PARK7: variants seen among roughly 807,000 people sequenced by gnomAD.
PARK7 encodes Parkinson disease protein 7.
Under a neutral mutation model 20.5 loss-of-function variants are expected in PARK7, and 14 were observed. The ratio of observed to expected loss-of-function variants is 0.68; its 90% confidence interval spans 0.45 to 1.07. The LOEUF is 1.07. Among genes scored for constraint, PARK7 ranks in the 50% least tolerant of loss-of-function variants. The pLI is 0.00. For missense variants in PARK7, 234 were observed against 238.1 expected (o/e 0.98, Z 0.11); for synonymous variants, 98 against 84.3 (o/e 1.16, Z -0.89).
At position 7,962,815 on chromosome 1, in the gene PARK7, G is replaced by C; in HGVS notation, c.30G>C (p.Leu10=). 2.5e-6 allele frequency: 4 copies of C among 1,611,822 alleles called. No homozygotes were observed. Among genetic ancestry groups the C allele is most frequent in the Non-Finnish European group, 3.4e-6 (4 of 1,179,614 alleles). The change falls in exon 2 of 7, where the codon CTG becomes CTC. Residue 10 remains leucine, a synonymous_variant. Transcript: ENST00000338639. ...CTTCCAAAAGAGCTCTGGTCATCCT[G>C]GCTAAAGGAGCAGAGGAAATGGAGA... MASKRALVI[L]AKGAEEMETV...
chr1:7,963,809 G>A (rs1640265045), intron 2 of PARK7, among the ~76,000 whole-genome samples: 1 of 137,774 alleles, frequency 7.3e-6, no homozygotes, highest in Admixed American at 7.7e-5. Context: ...GTGTATCCAT[G>A]CATGTGTGTC....
intron 5 of PARK7, among the ~76,000 whole-genome samples, chr1:7,973,823 G>A (rs1163483589): frequency 2.6e-5 from 4 of 151,226 alleles, no homozygotes; most frequent in East Asian, 2.0e-4. Flanking sequence ...CAGGAGAATC[G>A]CTTGAACCCG....
rs1349900839 is a variant in PARK7 at position 7,977,622 on chromosome 1, G to A, written c.323-30G>A. On this transcript the variant is annotated intron_variant, in intron 5 of 6. Coordinates refer to ENST00000338639, the MANE Select transcript of PARK7 (RefSeq NM_007262.5). ...TTTAAACATGGGCTTTTCTATATCTGCACTTAGATCTTTTTATTTTTATTC... is the reference window on the plus strand; with the variant it reads ...TTTAAACATGGGCTTTTCTATATCTACACTTAGATCTTTTTATTTTTATTC... 2.5e-6 allele frequency: 4 copies of A among 1,584,610 alleles called. No homozygotes were observed. The Admixed American group carries it at 6.7e-5, about 26-fold the overall frequency.
chr1:7,963,066 C>T (rs1578089921), intron 2 of PARK7, among the ~76,000 whole-genome samples, 191 bp downstream of exon 2: 2 of 152,138 alleles, frequency 1.3e-5, no homozygotes, highest in African/African-American at 4.8e-5. Flanking sequence ...TGCCATATTT[C>T]CTTCAGACCC....
At chr1:7,970,756 G>A (rs953550566) in intron 4 of PARK7, 138 bp from the exon 5 acceptor site, 2 of 808,718 alleles carry the variant, frequency 2.5e-6, no homozygotes, top group Non-Finnish European at 4.2e-6. Context: ...TTATACCAAT[G>A]ATTTAGAAAT....
At chr1:7,966,228 T>G (rs1161709017) in intron 3 of PARK7, among the ~76,000 whole-genome samples, 1 of 152,088 alleles carries the variant, frequency 6.6e-6, no homozygotes, top group African/African-American at 2.4e-5. Flanking sequence ...GATGGCTGGT[T>G]GCACACTGCT....
At position 7,984,371 on chromosome 1, in the gene PARK7, C is replaced by T. The variant is rs539153639; in HGVS notation, c.410-523C>T. On this transcript the variant is annotated intron_variant, in intron 6 of 6. Coordinates refer to ENST00000338639, the MANE Select transcript of PARK7 (RefSeq NM_007262.5). The surrounding 1 kb of genome is among the most constrained non-coding windows in gnomAD (Gnocchi z 4.3). ...CGGCGGGCCTGGAGGTGCGGGGATGCGGAAGGAAAGTAGTCCTTGAGAGGG... is the reference window on the plus strand; with the variant it reads ...CGGCGGGCCTGGAGGTGCGGGGATGTGGAAGGAAAGTAGTCCTTGAGAGGG... 6.6e-6 allele frequency among the ~76,000 whole-genome samples: 1 copy of T among 152,210 alleles called. No homozygotes were observed. The highest frequency in any genetic ancestry group is 3.4e-3 in the Middle Eastern group (1 of 294).
intron 4 of PARK7, 101 bp from the exon 5 acceptor site, chr1:7,970,793 T>G: frequency 1.9e-6 from 2 of 1,075,264 alleles, no homozygotes; most frequent in Non-Finnish European, 2.8e-6. Context: ...TCAGAGAGCT[T>G]GTGGTTTAAA....
chr1:7,965,209 T>G, intron 2 of PARK7, 115 bp from the exon 3 acceptor site: 1 of 916,724 alleles, frequency 1.1e-6, no homozygotes, highest in East Asian at 2.6e-5. Context: ...GTCACTGCCC[T>G]CTAGCCCAGG....
chr1:7,982,571 AGTTTAAGCCCTGTTTGCGAT>A (rs1419682901), intron 6 of PARK7, among the ~76,000 whole-genome samples: 2 of 151,722 alleles, frequency 1.3e-5, no homozygotes, highest in Non-Finnish European at 2.9e-5. Context: ...ATATTTAACC[AGTTTAAGCCCTGTTTGCGAT>A]GTTTTAGCCA....
At chr1:7,983,510 T>C (rs1578106278) in intron 6 of PARK7, among the ~76,000 whole-genome samples, 1 of 152,252 alleles carries the variant, frequency 6.6e-6, no homozygotes, top group Non-Finnish European at 1.5e-5. Flanking sequence ...CACCAGCTTC[T>C]ACCCAGAGAG....
chr1:7,974,496 G>T (rs1268804085), intron 5 of PARK7, among the ~76,000 whole-genome samples: 1 of 151,936 alleles, frequency 6.6e-6, no homozygotes, highest in Non-Finnish European at 1.5e-5. Context: ...AGGCGTGGTG[G>T]CGGGTGCCTG....
chr1:7,979,765 G>T (rs560373026), intron 6 of PARK7, among the ~76,000 whole-genome samples: 3 of 152,160 alleles, frequency 2.0e-5, no homozygotes, highest in Non-Finnish European at 4.4e-5. Flanking sequence ...GCCTCCCAAA[G>T]TACTAGGATT....
intron 6 of PARK7, among the ~76,000 whole-genome samples, chr1:7,983,302 A>G (rs1640750232): frequency 6.6e-6 from 1 of 152,214 alleles, no homozygotes; most frequent in Non-Finnish European, 1.5e-5. Flanking sequence ...ATCAGGATAG[A>G]GCAGGAGTTC....
intron 6 of PARK7, among the ~76,000 whole-genome samples, chr1:7,982,324 G>A (rs1257897563): frequency 6.6e-6 from 1 of 151,924 alleles, no homozygotes; most frequent in Non-Finnish European, 1.5e-5. Flanking sequence ...TTAAGACTTG[G>A]AGTCTGGTTT....
Position 7,969,384 on chromosome 1 carries a change from G to A in PARK7, c.232G>A (p.Gly78Ser), listed in dbSNP as rs1307903391. The A allele has an allele frequency of 6.3e-7, 1 of 1,594,088 alleles. No homozygotes were observed. Among genetic ancestry groups the A allele is most frequent in the East Asian group, 2.3e-5 (1 of 44,290 alleles). ...GGTGGTTCTACCAGGAGGTAATCTGGGCGCACAGAATTTATCTGAGGTAAA... is the reference window on the plus strand; with the variant it reads ...GGTGGTTCTACCAGGAGGTAATCTGAGCGCACAGAATTTATCTGAGGTAAA... Reference protein sequence around the residue: ...DVVVLPGGNLGAQNLSESAAV... With the variant: ...DVVVLPGGNLSAQNLSESAAV... The change falls in exon 4 of 7, where the codon GGC becomes AGC. Residue 78 changes from glycine to serine, a missense_variant. Transcript: ENST00000338639.
chr1:7,977,739 G>A lies in PARK7; in HGVS notation c.409+1G>A. ...GCTAAAGACAAAATGATGAATGGAG[G>A]TAAGTATATGCTTGTTTTTGTTTGT... On this transcript the variant is annotated splice_donor_variant, in intron 6 of 6. Coordinates refer to ENST00000338639, the MANE Select transcript of PARK7 (RefSeq NM_007262.5). LOFTEE classifies it high-confidence loss of function. The A allele has an allele frequency of 6.2e-7, 1 of 1,612,478 alleles. No homozygotes were observed. Among genetic ancestry groups the A allele is most frequent in the Non-Finnish European group, 8.5e-7 (1 of 1,178,552 alleles).
intron 3 of PARK7, among the ~76,000 whole-genome samples, chr1:7,968,040 T>C (rs1419911268): frequency 6.6e-6 from 1 of 152,056 alleles, no homozygotes; most frequent in South Asian, 2.1e-4. Flanking sequence ...CCGGCCACAG[T>C]GGTTCACGCC....
chr1:7,967,602 A>G (rs1315087663), intron 3 of PARK7, among the ~76,000 whole-genome samples: 9 of 152,206 alleles, frequency 5.9e-5, no homozygotes, highest in Admixed American at 5.9e-4. Context: ...TTTTGAATCA[A>G]CGGTAGGATG....
Sources: allele counts gnomAD v4.1 joint callset (sites outside exome capture counted in the v4.1 genomes callset), GRCh38; gene constraint gnomAD v4.1.1; non-coding constraint Gnocchi (gnomAD v3.1); transcripts MANE v1.5; gene names NCBI Gene and HGNC (gene_info 2026-07-23, HGNC 2026-07-21).